CNTN4: variants seen among roughly 807,000 people sequenced by gnomAD.
The protein encoded by CNTN4 is contactin-4.
CNTN4 carries 77 observed loss-of-function variants against 122.5 expected under a neutral mutation model. That is an observed-to-expected ratio of 0.63 (90% CI 0.52 to 0.76). The LOEUF (loss-of-function observed/expected upper bound fraction) is 0.76. Ranked by LOEUF, CNTN4 falls within the 30% of genes least tolerant of loss-of-function variation. The probability of loss-of-function intolerance (pLI) is 0.00; values close to 1 mark genes in which losing one functional copy is unlikely to be tolerated. For synonymous variants in CNTN4, 512 were observed against 447.0 expected (o/e 1.15, Z -1.83); for missense variants, 1,256 against 1,259.1 (o/e 1.00, Z 0.04).
At chr3:3,035,466 C>T (rs9814113) in intron 17 of CNTN4, among the ~76,000 whole-genome samples, 61,588 of 151,994 alleles carry the variant, frequency 0.41, 12,936 homozygotes, top group Non-Finnish European at 0.46. Context: ...CGGATTCTGC[C>T]TGACTATAGT....
chr3:2,533,898 C>T (rs1317020351), intron 3 of CNTN4, among the ~76,000 whole-genome samples: 4 of 151,134 alleles, frequency 2.6e-5, no homozygotes, highest in African/African-American at 9.7e-5. Context: ...GTTGGCTGCA[C>T]AAATGTCTTC....
At chr3:2,117,711 C>A (rs1365716625) in intron 2 of CNTN4, among the ~76,000 whole-genome samples, 1 of 152,136 alleles carries the variant, frequency 6.6e-6, no homozygotes, top group African/African-American at 2.4e-5. Flanking sequence ...GGGTGTAGGA[C>A]AAATACATAT....
intron 3 of CNTN4, among the ~76,000 whole-genome samples, chr3:2,457,232 A>G (rs1383052493): frequency 6.6e-6 from 1 of 152,122 alleles, no homozygotes; most frequent in Non-Finnish European, 1.5e-5. Context: ...TCAGAATCCA[A>G]TGTTGCATAC....
chr3:2,226,865 A>G (rs908718691), intron 2 of CNTN4, among the ~76,000 whole-genome samples: 5 of 152,188 alleles, frequency 3.3e-5, no homozygotes, highest in Admixed American at 1.3e-4. Context: ...ACATTGTTAC[A>G]AGAACTTTAA....
chr3:2,402,494 A>T (rs2046892776), intron 3 of CNTN4, among the ~76,000 whole-genome samples: 1 of 152,124 alleles, frequency 6.6e-6, no homozygotes, highest in Non-Finnish European at 1.5e-5. Flanking sequence ...GTAATTATTA[A>T]ATCAGGGTAA....
intron 4 of CNTN4, among the ~76,000 whole-genome samples, chr3:2,708,355 T>A (rs2675297): frequency 0.82 from 124,064 of 152,140 alleles, 51,195 homozygotes; most frequent in African/African-American, 0.95. Context: ...CAAATACGAC[T>A]TAAAAGGTAA....
intron 4 of CNTN4, among the ~76,000 whole-genome samples, chr3:2,624,191 T>G (rs144132908): frequency 0.013 from 1,946 of 152,316 alleles, 16 homozygotes; most frequent in Middle Eastern, 0.024. Flanking sequence ...TGTAATTCTG[T>G]GTATGTTATT....
chr3:3,027,986 A>G (rs187304165), intron 15 of CNTN4, among the ~76,000 whole-genome samples: 1 of 152,314 alleles, frequency 6.6e-6, no homozygotes, highest in East Asian at 1.9e-4. Context: ...AATACATAGA[A>G]AATTAAGGAC....
intron 4 of CNTN4, chr3:2,629,449 G>A (rs555487481): frequency 8.0e-5 from 30 of 376,076 alleles, no homozygotes; most frequent in African/African-American, 3.9e-4. Flanking sequence ...TCCCAAGTCC[G>A]GTGATCACCA....
chr3:2,184,834 T>A lies in CNTN4; in HGVS notation c.-145+84195T>A, dbSNP rs373990181. 4.3e-4 allele frequency among the ~76,000 whole-genome samples: 65 copies of A among 152,230 alleles called. 1 individual carries two copies. Among genetic ancestry groups the A allele is most frequent in the Middle Eastern group, 3.4e-3 (1 of 294 alleles). On this transcript the variant is annotated intron_variant, in intron 2 of 24. Coordinates refer to ENST00000418658, the MANE Select transcript of CNTN4 (RefSeq NM_175607.3). ...AGCCTCCAGAAGTGTGAGAAAAAAA[T>A]TTCCATGTTTACAAATTACTCAGTC...
chr3:2,739,428 G>C (rs2089327245), intron 5 of CNTN4, among the ~76,000 whole-genome samples: 1 of 152,146 alleles, frequency 6.6e-6, no homozygotes, highest in Non-Finnish European at 1.5e-5. Flanking sequence ...TTCGTACAAG[G>C]TAACCTCATA....
chr3:2,889,688 C>G (rs1577168823), intron 10 of CNTN4, among the ~76,000 whole-genome samples: 1 of 152,054 alleles, frequency 6.6e-6, no homozygotes, highest in Admixed American at 6.5e-5. Flanking sequence ...GGTGGCTGTT[C>G]CTAAATGTTA....
chr3:2,376,225 G>C (rs1397518648), intron 3 of CNTN4, among the ~76,000 whole-genome samples: 7 of 152,172 alleles, frequency 4.6e-5, no homozygotes, highest in African/African-American at 1.7e-4. Flanking sequence ...ATGATTTGCT[G>C]TGCTGCACTT....
At chr3:2,465,505 C>G (rs535343957) in intron 3 of CNTN4, among the ~76,000 whole-genome samples, 2 of 151,862 alleles carry the variant, frequency 1.3e-5, no homozygotes, top group African/African-American at 4.8e-5. Flanking sequence ...GGTGAAACCC[C>G]GTCTCTCCTA....
At chr3:2,134,272 A>G (rs2034582508) in intron 2 of CNTN4, among the ~76,000 whole-genome samples, 2 of 152,172 alleles carry the variant, frequency 1.3e-5, no homozygotes, top group Non-Finnish European at 2.9e-5. Flanking sequence ...CTGTCCCCAC[A>G]ATGAGGTTTA....
chr3:2,222,677 C>T (rs2039107980), intron 2 of CNTN4, among the ~76,000 whole-genome samples: 1 of 151,656 alleles, frequency 6.6e-6, no homozygotes, highest in African/African-American at 2.4e-5. Context: ...CAACACACAC[C>T]CCAGGGTACC....
chr3:2,354,961 A>C (rs547171601), intron 3 of CNTN4, among the ~76,000 whole-genome samples: 1 of 152,366 alleles, frequency 6.6e-6, no homozygotes, highest in Admixed American at 6.5e-5. Context: ...GTGTCAGATT[A>C]CATCCAGGAG....
intron 4 of CNTN4, among the ~76,000 whole-genome samples, chr3:2,581,820 A>G (rs1166789177): frequency 6.6e-6 from 1 of 152,244 alleles, no homozygotes; most frequent in African/African-American, 2.4e-5. Flanking sequence ...TTCAGCCATA[A>G]AAAGGAAGGA....
intron 6 of CNTN4, among the ~76,000 whole-genome samples, chr3:2,799,136 C>G (rs1356630943): frequency 6.6e-6 from 1 of 152,044 alleles, no homozygotes; most frequent in Non-Finnish European, 1.5e-5. Flanking sequence ...ATTTGTATGC[C>G]TTCTTTTGAA....
Sources: allele counts gnomAD v4.1 joint callset (sites outside exome capture counted in the v4.1 genomes callset), GRCh38; gene constraint gnomAD v4.1.1; transcripts MANE v1.5; gene names NCBI Gene and HGNC (gene_info 2026-07-23, HGNC 2026-07-21).